MRC1: variants seen among roughly 807,000 people sequenced by gnomAD.
MRC1 encodes the protein mannose receptor C-type 1.
A neutral mutation model predicts 102.9 loss-of-function variants in MRC1; 62 were observed. The observed-to-expected ratio is 0.60, with a 90% CI of 0.49 to 0.74. The LOEUF is 0.74. MRC1 is among the 30% of genes least tolerant of loss of function. MRC1 has a pLI of 0.00. For synonymous variants in MRC1, 457 were observed against 298.4 expected (o/e 1.53, Z -5.48); for missense variants, 1,237 against 862.8 (o/e 1.43, Z -5.43).
intron 2 of MRC1, among the ~76,000 whole-genome samples, chr10:17,827,227 T>C (rs2130598922): frequency 6.6e-6 from 1 of 152,118 alleles, no homozygotes; most frequent in African/African-American, 2.4e-5. Flanking sequence ...CATTTTCAAA[T>C]GGTACAACTT....
intron 3 of MRC1, among the ~76,000 whole-genome samples, chr10:17,832,715 G>A (rs1253837526): frequency 6.6e-6 from 1 of 150,998 alleles, no homozygotes; most frequent in Non-Finnish European, 1.5e-5. Context: ...AGCCTCCCGA[G>A]TAGCTGGGAC....
At chr10:17,892,731 G>T (rs956833190) in intron 22 of MRC1, among the ~76,000 whole-genome samples, 8 of 152,046 alleles carry the variant, frequency 5.3e-5, no homozygotes, top group Non-Finnish European at 1.2e-4. Flanking sequence ...AAGATAACTG[G>T]CCAGGCGTGG....
intron 26 of MRC1, among the ~76,000 whole-genome samples, chr10:17,902,538 A>G (rs1290345507): frequency 2.0e-5 from 3 of 152,228 alleles, no homozygotes; most frequent in African/African-American, 7.2e-5. Context: ...AAACTCAAAT[A>G]GACACCACAA....
intron 9 of MRC1, 98 bp from the exon 10 acceptor site, chr10:17,861,289 G>T: frequency 1.6e-6 from 1 of 626,496 alleles, no homozygotes; most frequent in South Asian, 1.9e-5. Flanking sequence ...CTCCAGCCTG[G>T]GCGACAAGAG....
chr10:17,817,547 G>A (rs1554837982), intron 1 of MRC1, among the ~76,000 whole-genome samples: 1 of 152,058 alleles, frequency 6.6e-6, no homozygotes, highest in Admixed American at 6.6e-5. Context: ...TCTGGCGTGT[G>A]GTCATTGTTT....
Position 17,827,572 on chromosome 10 carries a change from G to C in MRC1, c.494G>C (p.Gly165Ala). 3 of 780,738 alleles carry C rather than the reference G, an allele frequency of 3.8e-6. No homozygotes were observed. The South Asian group carries it at 4.0e-5, about 10-fold the overall frequency. 48.4% of individuals were successfully genotyped at this position (780,738 alleles called of 1,614,324 possible). Residue 165 changes from glycine to alanine, a missense_variant, in exon 3 of 30, where the codon GGA (glycine) becomes GCA (alanine). Gly to Ala is a moderately conservative substitution (Grantham distance 60). Coordinates refer to ENST00000569591, the MANE Select transcript of MRC1 (RefSeq NM_002438.4). ...AMYTLLGNAN[G>A]ATCAFPFKFE... ...TATACGCTACTAGGCAATGCCAATGGAGCAACCTGTGCATTCCCGTTCAAG... is the reference window on the plus strand; with the variant it reads ...TATACGCTACTAGGCAATGCCAATGCAGCAACCTGTGCATTCCCGTTCAAG...
chr10:17,901,900 C>G (rs990276016), intron 25 of MRC1, 73 bp from the exon 26 acceptor site: 6 of 779,168 alleles, frequency 7.7e-6, no homozygotes, highest in Non-Finnish European at 1.4e-5. Flanking sequence ...GTTTTTGTAG[C>G]TGCTAATGTA....
At chr10:17,898,287 G>A in intron 24 of MRC1, 21 bp downstream of exon 24, 1 of 780,794 alleles carries the variant, frequency 1.3e-6, no homozygotes, top group South Asian at 1.3e-5. Flanking sequence ...GGAAATATGT[G>A]CAACTTGACA....
Position 17,909,675 on chromosome 10 carries a change from A to G in MRC1, c.4120+328A>G, listed in dbSNP as rs1175548130. 1.8e-3 allele frequency among the ~76,000 whole-genome samples: 262 copies of G among 144,470 alleles called. 2 individuals are homozygous for G. Among genetic ancestry groups the G allele is most frequent in the Non-Finnish European group, 3.1e-3 (202 of 65,882 alleles). 94.8% of individuals were successfully genotyped at this position (144,470 alleles called of 152,430 possible). On this transcript the variant is annotated intron_variant, in intron 29 of 29. Transcript: ENST00000569591. ...TTCTTAGAATTTTTTTTTTGTTTTA[A>G]TTTTTATAGACTACTTGAATTAGGT...
At position 17,861,480 on chromosome 10, in the gene MRC1, T is replaced by C; in HGVS notation, c.1612T>C (p.Tyr538His). 1.1e-6 allele frequency: 1 copy of C among 871,892 alleles called. No homozygotes were observed. The highest frequency in any genetic ancestry group is 2.0e-6 in the Non-Finnish European group (1 of 500,900). 54.0% of individuals were successfully genotyped at this position (871,892 alleles called of 1,614,324 possible). Residue 538 changes from tyrosine (Y) to histidine (H), a missense_variant, in exon 10 of 30, where the codon TAT (tyrosine) becomes CAT (histidine). Coordinates refer to ENST00000569591, the MANE Select transcript of MRC1 (RefSeq NM_002438.4). ...ANQTCNNENAYLTTIEDRYEQ... is the reference protein window; with the variant it reads ...ANQTCNNENAHLTTIEDRYEQ... ...CCAAACCTGTAATAATGAGAATGCT[T>C]ATTTAACAACTATTGAAGACAGGTA... is the stretch of plus-strand genomic sequence containing the variant.
intron 11 of MRC1, among the ~76,000 whole-genome samples, chr10:17,864,496 C>T (rs1367340152): frequency 2.0e-5 from 3 of 152,026 alleles, no homozygotes; most frequent in African/African-American, 4.8e-5. Context: ...ATTTTGTCAT[C>T]ATAAAAACCT....
At chr10:17,865,703 T>C (rs1321918446) in intron 11 of MRC1, among the ~76,000 whole-genome samples, 1 of 152,214 alleles carries the variant, frequency 6.6e-6, no homozygotes, top group Admixed American at 6.5e-5. Context: ...AGTCATCTAT[T>C]CCACAGTTAG....
At chr10:17,892,603 C>G (rs1287118915) in intron 22 of MRC1, among the ~76,000 whole-genome samples, 1 of 152,198 alleles carries the variant, frequency 6.6e-6, no homozygotes, top group Non-Finnish European at 1.5e-5. Flanking sequence ...CAACTAGAGA[C>G]TTAAGTTCTC....
At chr10:17,886,650 C>T (rs1214543099) in intron 22 of MRC1, among the ~76,000 whole-genome samples, 2 of 152,192 alleles carry the variant, frequency 1.3e-5, no homozygotes, top group African/African-American at 4.8e-5. Flanking sequence ...GATCCACCTA[C>T]CTTGGCCTCC....
intron 4 of MRC1, among the ~76,000 whole-genome samples, chr10:17,838,701 C>T (rs1367299595): frequency 1.3e-5 from 2 of 152,116 alleles, no homozygotes; most frequent in Admixed American, 6.5e-5. Context: ...AGGCTGGGCG[C>T]AGTGGCTCAC....
At chr10:17,867,764 T>G (rs1833297540) in intron 12 of MRC1, among the ~76,000 whole-genome samples, 1 of 152,200 alleles carries the variant, frequency 6.6e-6, no homozygotes, top group Non-Finnish European at 1.5e-5. Flanking sequence ...GTCACGCTGT[T>G]GTATTCCAAT....
At chr10:17,812,733 G>A (rs985112075) in intron 1 of MRC1, among the ~76,000 whole-genome samples, 16 of 151,912 alleles carry the variant, frequency 1.1e-4, no homozygotes, top group Admixed American at 7.2e-4. Flanking sequence ...CACCACACCC[G>A]GCTAATTTTT....
rs954292845 is a variant in MRC1, at chr10:17,867,275, T to C, written c.1983+514T>C. ...CCCTTTCCCCTTCCTCCTCCTCCTC[T>C]TCTTCTTCCTTCTTTCTTCGTTCCT... On this transcript the variant is annotated intron_variant, in intron 12 of 29. Transcript: ENST00000569591. 5.6e-5 allele frequency among the ~76,000 whole-genome samples: 8 copies of C among 143,624 alleles called. No individual in the cohort carries two copies. The East Asian group carries it at 1.6e-3, about 29-fold the overall frequency. The allele number at this position is 143,624 out of a possible 152,430, so 94.2% of individuals were successfully genotyped here. A position where few individuals can be genotyped will look rare whatever the true frequency, so the allele number is the denominator to read the frequency against.
intron 1 of MRC1, among the ~76,000 whole-genome samples, chr10:17,814,629 C>T (rs1486057877): frequency 5.3e-5 from 8 of 151,628 alleles, no homozygotes; most frequent in Non-Finnish European, 1.0e-4. Context: ...ACCACATCCC[C>T]TGAGGCTAGA....
Sources: gnomAD v4.1 joint callset for allele counts (sites outside exome capture counted in the v4.1 genomes callset) on GRCh38, gnomAD v4.1.1 for gene constraint, MANE v1.5 for transcripts, NCBI Gene and HGNC (gene_info 2026-07-23, HGNC 2026-07-21) for gene names.